Variants in ADAM19 observed in about 807,000 individuals in gnomAD.
The protein encoded by ADAM19 is disintegrin and metalloproteinase domain-containing protein 19.
In ADAM19, 65 loss-of-function variants were observed where a neutral mutation model predicts 114.7. That is an observed-to-expected ratio of 0.57 (90% CI 0.46 to 0.70). The LOEUF (loss-of-function observed/expected upper bound fraction) is 0.70, where lower values mean the gene tolerates loss of function less well. ADAM19 is among the 30% of genes least tolerant of loss of function. The pLI, the probability that ADAM19 is intolerant of heterozygous loss-of-function variation, is 0.00. For synonymous variants in ADAM19, 466 were observed against 460.5 expected, an observed-to-expected ratio of 1.01 and a Z score of -0.15; for missense variants, 1,063 against 1,204.7, an observed-to-expected ratio of 0.88 and a Z score of 1.74.
chr5:157,504,976 G>A (rs540546797), intron 11 of ADAM19, among the ~76,000 whole-genome samples: 36 of 151,940 alleles, frequency 2.4e-4, no homozygotes, highest in Non-Finnish European at 3.7e-4. Flanking sequence ...AAAATTAGCC[G>A]GGCATGGTGG....
At chr5:157,544,295 C>T (rs1756993862) in intron 3 of ADAM19, among the ~76,000 whole-genome samples, 1 of 152,238 alleles carries the variant, frequency 6.6e-6, no homozygotes, top group Non-Finnish European at 1.5e-5. Context: ...GCCAATGCTA[C>T]TCAGTATGTT....
intron 5 of ADAM19, among the ~76,000 whole-genome samples, chr5:157,524,860 A>T (rs1323659479): frequency 2.6e-5 from 4 of 152,234 alleles, no homozygotes; most frequent in African/African-American, 9.6e-5. Context: ...CAGCATTTTA[A>T]AAGAACAGCT....
intron 2 of ADAM19, among the ~76,000 whole-genome samples, chr5:157,565,665 C>T (rs1317714456): frequency 2.7e-5 from 4 of 146,678 alleles, no homozygotes; most frequent in East Asian, 2.0e-4. Context: ...GCTGAGATTG[C>T]GCCACTGCAC....
At chr5:157,539,332 A>T (rs553068407) in intron 3 of ADAM19, among the ~76,000 whole-genome samples, 25 of 152,330 alleles carry the variant, frequency 1.6e-4, no homozygotes, top group African/African-American at 6.0e-4. Flanking sequence ...TGCTCTTAAA[A>T]AGAAGAAAAT....
At chr5:157,502,756 C>A in intron 12 of ADAM19, 47 bp downstream of exon 12, 1 of 1,591,752 alleles carries the variant, frequency 6.3e-7, no homozygotes, top group East Asian at 2.2e-5. Flanking sequence ...AGTTTTGAAA[C>A]CAATGCAAAT....
chr5:157,498,675 C>T (rs1455252038), intron 13 of ADAM19, among the ~76,000 whole-genome samples: 1 of 114,178 alleles, frequency 8.8e-6, no homozygotes, highest in Non-Finnish European at 1.8e-5. Flanking sequence ...TATATAATTA[C>T]ACATGTGTGT....
At chr5:157,492,500 G>A (rs988274917) in intron 16 of ADAM19, among the ~76,000 whole-genome samples, 15 of 152,112 alleles carry the variant, frequency 9.9e-5, no homozygotes, top group Non-Finnish European at 1.9e-4. Context: ...TCACATTAAA[G>A]GACTATTATG....
chr5:157,566,295 A>C (rs543031259), intron 2 of ADAM19: 1 of 152,332 alleles, frequency 6.6e-6, no homozygotes, highest in Admixed American at 6.5e-5. Flanking sequence ...ATTAGTCATA[A>C]AGCTCAAAAT....
At chr5:157,545,265 T>C (rs1757017391) in intron 3 of ADAM19, among the ~76,000 whole-genome samples, 2 of 152,080 alleles carry the variant, frequency 1.3e-5, no homozygotes, top group South Asian at 4.2e-4. Flanking sequence ...CCAGCATCCA[T>C]GCCACCTTCT....
At chr5:157,493,328 C>A in intron 15 of ADAM19, 151 bp from the exon 16 acceptor site, 2 of 730,344 alleles carry the variant, frequency 2.7e-6, no homozygotes, top group Non-Finnish European at 4.5e-6. Flanking sequence ...TGGAACCCAC[C>A]AGGAGAGATT....
chr5:157,515,327 T>C (rs1412994761), intron 7 of ADAM19, among the ~76,000 whole-genome samples: 1 of 152,220 alleles, frequency 6.6e-6, no homozygotes, highest in South Asian at 2.1e-4. Flanking sequence ...CAGATTTCAT[T>C]GTCTTTCAAA....
chr5:157,481,329 T>C (rs979410091), intron 22 of ADAM19: 3 of 572,942 alleles, frequency 5.2e-6, no homozygotes, highest in Non-Finnish European at 9.3e-6. Context: ...CTTTCTGACC[T>C]GACTGCCAAG....
rs989322432 is a variant in ADAM19, at chr5:157,575,760, C to T, written c.-64G>A. ...TCAGCCATACCTGCCCACTGCCCGG[C>T]GGTGGAGGCGCGTCTGGAACCCCCC... On this transcript the variant is annotated 5_prime_UTR_variant, in exon 1 of 23. Coordinates refer to ENST00000257527, the MANE Select transcript of ADAM19 (RefSeq NM_033274.5). The T allele has an allele frequency of 6.8e-6, 8 of 1,181,756 alleles. No homozygotes were observed. The highest frequency in any genetic ancestry group is 4.8e-5 in the African/African-American group (3 of 62,912). The allele number at this position is 1,181,756 out of a possible 1,614,324, so 73.2% of individuals were successfully genotyped here.
chr5:157,569,470 G>A (rs994812521), intron 2 of ADAM19, among the ~76,000 whole-genome samples: 1 of 145,470 alleles, frequency 6.9e-6, no homozygotes, highest in African/African-American at 2.6e-5. Context: ...GGTGCCCCAG[G>A]CTGGTCTTAA....
rs952608061 is a variant in ADAM19 at position 157,479,214 on chromosome 5, C to T, written c.*1735G>A. The T allele has an allele frequency of 3.0e-6, 3 of 985,758 alleles. No homozygotes were observed. The highest frequency in any genetic ancestry group is 6.2e-5 in the Admixed American group (1 of 16,258). 61.1% of individuals were successfully genotyped at this position (985,758 alleles called of 1,614,324 possible). A position where few individuals can be genotyped will look rare whatever the true frequency, so the allele number is the denominator to read the frequency against. ...CTCATTTTCCTGAGATCTTTCTAAA[C>T]CCAACCCAGGCTTTTCCCCCAGGGG... On this transcript the variant is annotated 3_prime_UTR_variant, in exon 23 of 23. Coordinates refer to ENST00000257527, the MANE Select transcript of ADAM19 (RefSeq NM_033274.5).
chr5:157,511,219 A>G (rs1045418334), intron 8 of ADAM19, among the ~76,000 whole-genome samples: 4 of 152,208 alleles, frequency 2.6e-5, no homozygotes, highest in Admixed American at 1.3e-4. Flanking sequence ...TATGGAGAGG[A>G]CATAATGAGC....
chr5:157,497,604 T>C (rs927355855), intron 13 of ADAM19, among the ~76,000 whole-genome samples: 1 of 117,466 alleles, frequency 8.5e-6, no homozygotes, highest in Non-Finnish European at 1.9e-5. Context: ...CACACAAAAC[T>C]AGCATTCACA....
intron 14 of ADAM19, among the ~76,000 whole-genome samples, chr5:157,495,933 CTTTTTTTTTTTTTTT>C (rs57078206): frequency 2.6e-5 from 2 of 75,878 alleles, no homozygotes; most frequent in East Asian, 4.8e-4. Context: ...TGTGCCCAGT[CTTTTTTTTTTTTTTT>C]TTTTTTTTTT....
chr5:157,526,781 T>C (rs1056329953), intron 5 of ADAM19, among the ~76,000 whole-genome samples: 38 of 152,018 alleles, frequency 2.5e-4, no homozygotes, highest in African/African-American at 9.2e-4. Context: ...ACACCACACA[T>C]GGCTAATTTT....
Sources: allele counts gnomAD v4.1 joint callset (sites outside exome capture counted in the v4.1 genomes callset), GRCh38; gene constraint gnomAD v4.1.1; transcripts MANE v1.5; gene names NCBI Gene and HGNC (gene_info 2026-07-23, HGNC 2026-07-21).